Variants in ADCY9 observed in about 807,000 individuals in gnomAD.
ADCY9 encodes the protein adenylate cyclase 9.
Under a neutral mutation model 101.5 loss-of-function variants are expected in ADCY9, and 50 were observed. That is an observed-to-expected ratio of 0.49 (90% CI 0.39 to 0.62). The LOEUF (loss-of-function observed/expected upper bound fraction) is 0.62. ADCY9 is among the 20% of genes least tolerant of loss of function. The pLI, the probability that ADCY9 is intolerant of heterozygous loss-of-function variation, is 0.00. For synonymous variants in ADCY9, 905 were observed against 769.3 expected, an observed-to-expected ratio of 1.18 and a Z score of -2.92; for missense variants, 1,662 against 1,800.4, an observed-to-expected ratio of 0.92 and a Z score of 1.39.
intron 8 of ADCY9, 104 bp downstream of exon 8, chr16:3,979,012 G>T: frequency 6.8e-7 from 1 of 1,477,094 alleles, no homozygotes; most frequent in Non-Finnish European, 9.3e-7. Flanking sequence ...ACCATGCCTG[G>T]CCAAAGGGTT....
At chr16:4,037,476 A>G (rs1425471088) in intron 2 of ADCY9, among the ~76,000 whole-genome samples, 1 of 152,126 alleles carries the variant, frequency 6.6e-6, no homozygotes, top group Non-Finnish European at 1.5e-5. Context: ...TGATGGCCAC[A>G]TTGATTCCAT....
chr16:4,110,370 T>C (rs1428514984), intron 2 of ADCY9, among the ~76,000 whole-genome samples: 1 of 141,968 alleles, frequency 7.0e-6, no homozygotes, highest in Non-Finnish European at 1.5e-5. Flanking sequence ...ATCATACTTA[T>C]ACCTACTTTT....
Position 3,983,551 on chromosome 16 carries a change from G to A in ADCY9, c.2311-111C>T, listed in dbSNP as rs1018426010. 8 of 912,668 alleles carry A rather than the reference G, an allele frequency of 8.8e-6. No homozygotes were observed. The Admixed American group carries it at 1.7e-4, about 19-fold the overall frequency. 56.5% of individuals were successfully genotyped at this position (912,668 alleles called of 1,614,324 possible). The stretch of plus-strand genomic sequence containing the variant: ...GCGGAGCACTGCTGCTCTGGGCCAG[G>A]CACAGGGCAGGAAGGCTCTCGGAGG... On this transcript the variant is annotated intron_variant, in intron 6 of 10. Transcript: ENST00000294016.
chr16:4,001,008 CAT>C lies in ADCY9; in HGVS notation c.1884+6358_1884+6359del, dbSNP rs574175248. On this transcript the variant is annotated intron_variant, in intron 3 of 10. Coordinates refer to ENST00000294016, the MANE Select transcript of ADCY9 (RefSeq NM_001116.4). ...ACACACACACACACACACACACACA[CAT>C]ATATAATTTCTTACTTTGAAATAAT... is the stretch of plus-strand genomic sequence containing the variant. Among the ~76,000 whole-genome samples, 340 of 135,712 alleles carry C rather than the reference CAT, an allele frequency of 2.5e-3. 2 individuals are homozygous for C. The highest frequency in any genetic ancestry group is 3.7e-3 in the Non-Finnish European group (215 of 57,838). 89.0% of individuals were successfully genotyped at this position (135,712 alleles called of 152,430 possible). A position where few individuals can be genotyped will look rare whatever the true frequency, so the allele number is the denominator to read the frequency against.
At chr16:3,991,365 G>A (rs12373028) in intron 5 of ADCY9, among the ~76,000 whole-genome samples, 2 of 152,058 alleles carry the variant, frequency 1.3e-5, no homozygotes, top group Admixed American at 6.5e-5. Flanking sequence ...AGGAGGACAC[G>A]GCATCCCTTC....
intron 2 of ADCY9, among the ~76,000 whole-genome samples, chr16:4,097,455 T>TAC: frequency 1.5e-4 from 2 of 13,130 alleles, no homozygotes; most frequent in South Asian, 0.016. Context: ...TGGAGTTACA[T>TAC]ATATATATAT....
Position 4,114,249 on chromosome 16 carries a change from T to C in ADCY9, c.1194A>G (p.Ala398=), listed in dbSNP as rs376551919. ...QQIEEVSILF[A]DIVGFTKMSA... is the part of the protein sequence containing the mutation. ...TCATCTTGGTGAAGCCCACGATATC[T>C]GCAAATAAAATACTGACTTCTTCGA... Residue 398 remains alanine, a synonymous_variant, in exon 2 of 11, where the codon GCA becomes GCG. Transcript: ENST00000294016. The surrounding 1 kb of genome is among the most constrained non-coding windows in gnomAD (Gnocchi z 4.3). 131 of 1,613,844 alleles carry C rather than the reference T, an allele frequency of 8.1e-5. No individual in the cohort carries two copies. Among genetic ancestry groups the C allele is most frequent in the Non-Finnish European group, 7.5e-5 (89 of 1,180,042 alleles).
At chr16:4,074,193 G>A (rs867430023) in intron 2 of ADCY9, among the ~76,000 whole-genome samples, 14 of 151,818 alleles carry the variant, frequency 9.2e-5, no homozygotes, top group South Asian at 6.2e-4. Context: ...GACACTATTA[G>A]CATCATAAAC....
intron 2 of ADCY9, among the ~76,000 whole-genome samples, chr16:4,019,488 T>C (rs1227313227): frequency 6.6e-6 from 1 of 151,966 alleles, no homozygotes; most frequent in African/African-American, 2.4e-5. Flanking sequence ...AGGCAGTGAG[T>C]AGTGAGTGCC....
chr16:3,959,824 G>A (rs1207130359), downstream of ADCY9, among the ~76,000 whole-genome samples: 1 of 152,098 alleles, frequency 6.6e-6, no homozygotes, highest in Non-Finnish European at 1.5e-5. Flanking sequence ...TCAGGAGTTC[G>A]AGACCAGCCT....
At chr16:3,996,678 A>G (rs1444714319) in intron 3 of ADCY9, among the ~76,000 whole-genome samples, 1 of 152,140 alleles carries the variant, frequency 6.6e-6, no homozygotes, top group Non-Finnish European at 1.5e-5. Context: ...TGAATATGAA[A>G]ACTTCTGTTA....
chr16:4,048,449 G>A (rs1351147326), intron 2 of ADCY9, among the ~76,000 whole-genome samples: 2 of 151,986 alleles, frequency 1.3e-5, no homozygotes, highest in Admixed American at 6.6e-5. Flanking sequence ...TCTTTGTTCC[G>A]CAAATGGCAG....
chr16:3,994,623 T>C (rs924723423), intron 3 of ADCY9, among the ~76,000 whole-genome samples: 1 of 152,156 alleles, frequency 6.6e-6, no homozygotes, highest in African/African-American at 2.4e-5. Context: ...GCCCGGCTAC[T>C]TGTTTTGTGT....
chr16:4,033,403 G>A (rs916363383), intron 2 of ADCY9, among the ~76,000 whole-genome samples: 7 of 151,614 alleles, frequency 4.6e-5, no homozygotes, highest in Non-Finnish European at 8.8e-5. Flanking sequence ...AGGAGACAGA[G>A]GAACCCTCAG....
In ADCY9 at chr16:4,060,305, C is replaced by T. The variant is rs1026124960; in HGVS notation, c.1694-52747G>A. Reference sequence around the variant, plus strand: ...AGTCCCTGAAGTCCCACACATTCTTCGTGCTCTGGAAGGCTGCACACAGGC... The same window carrying T: ...AGTCCCTGAAGTCCCACACATTCTTTGTGCTCTGGAAGGCTGCACACAGGC... On this transcript the variant is annotated intron_variant, in intron 2 of 10. Coordinates refer to ENST00000294016, the MANE Select transcript of ADCY9 (RefSeq NM_001116.4). 6.6e-5 allele frequency among the ~76,000 whole-genome samples: 10 copies of T among 152,306 alleles called. No homozygotes were observed. The East Asian group carries it at 1.2e-3, about 18-fold the overall frequency.
intron 5 of ADCY9, among the ~76,000 whole-genome samples, chr16:3,954,068 T>G (rs2055894946): frequency 6.6e-6 from 1 of 152,210 alleles, no homozygotes; most frequent in Non-Finnish European, 1.5e-5. Flanking sequence ...CTCTGATTTT[T>G]CCACTTGGCA....
chr16:4,022,977 G>C (rs539025983), intron 2 of ADCY9, among the ~76,000 whole-genome samples: 1 of 152,212 alleles, frequency 6.6e-6, no homozygotes, highest in African/African-American at 2.4e-5. Flanking sequence ...TAGTACCTGG[G>C]GGAAGGCGCA....
intron 2 of ADCY9, among the ~76,000 whole-genome samples, chr16:4,067,854 C>A (rs2056810032): frequency 2.0e-5 from 3 of 152,176 alleles, no homozygotes; most frequent in Admixed American, 2.0e-4. Flanking sequence ...ACTAAGTCAG[C>A]AAAATCCAAT....
At chr16:4,040,840 G>C (rs2056621949) in intron 2 of ADCY9, among the ~76,000 whole-genome samples, 1 of 152,080 alleles carries the variant, frequency 6.6e-6, no homozygotes, top group Non-Finnish European at 1.5e-5. Context: ...CCTATTGACT[G>C]AACTGTCTTT....
Sources: gnomAD v4.1 joint callset for allele counts (sites outside exome capture counted in the v4.1 genomes callset) on GRCh38, gnomAD v4.1.1 for gene constraint, Gnocchi (gnomAD v3.1) non-coding constraint, MANE v1.5 for transcripts, NCBI Gene and HGNC (gene_info 2026-07-23, HGNC 2026-07-21) for gene names.